The following AATF variants were observed in gnomAD, a reference collection of about 807,000 sequenced individuals.
The protein encoded by AATF is protein AATF.
A neutral mutation model predicts 63.7 loss-of-function variants in AATF; 48 were observed. That is an observed-to-expected ratio of 0.75 (90% CI 0.60 to 0.96). AATF has a LOEUF of 0.96. Among genes scored for constraint, AATF ranks in the 40% least tolerant of loss-of-function variants. AATF has a pLI of 0.00. For missense variants in AATF, 639 were observed against 685.7 expected (o/e 0.93, Z 0.76); for synonymous variants, 258 against 247.7 (o/e 1.04, Z -0.39).
chr17:36,967,446 C>CG (rs2070999681), intron 4 of AATF, among the ~76,000 whole-genome samples: 1 of 152,160 alleles, frequency 6.6e-6, no homozygotes, highest in African/African-American at 2.4e-5. Context: ...AGCTAAATCT[C>CG]TTCTCAAGTC....
intron 11 of AATF, chr17:37,054,468 T>C (rs2071780623): frequency 6.6e-6 from 1 of 152,132 alleles, no homozygotes; most frequent in South Asian, 2.1e-4. Flanking sequence ...CCTATTGATA[T>C]TCTCTCTCTC....
At chr17:36,997,509 C>G (rs8080229) in intron 8 of AATF, among the ~76,000 whole-genome samples, 4,999 of 152,154 alleles carry the variant, frequency 0.033, 275 homozygotes, top group African/African-American at 0.11. Flanking sequence ...AAATGCAAAT[C>G]GAAAGCACAA....
chr17:36,968,079 C>T (rs2071005962), intron 4 of AATF, among the ~76,000 whole-genome samples: 1 of 151,630 alleles, frequency 6.6e-6, no homozygotes, highest in African/African-American at 2.4e-5. Context: ...TCCTTTCTCT[C>T]TGTCCTCTCT....
intron 10 of AATF, among the ~76,000 whole-genome samples, chr17:37,030,258 A>G (rs2071542663): frequency 6.6e-6 from 1 of 152,142 alleles, no homozygotes; most frequent in Admixed American, 6.6e-5. Context: ...TTATTCTTGT[A>G]AAATTCATTT....
chr17:36,979,476 A>G (rs1047159899), intron 4 of AATF, among the ~76,000 whole-genome samples: 6 of 152,128 alleles, frequency 3.9e-5, no homozygotes, highest in Non-Finnish European at 5.9e-5. Context: ...TCAGGCCAAT[A>G]TATCGTGTGT....
intron 11 of AATF, among the ~76,000 whole-genome samples, chr17:37,044,045 G>A (rs1318081566): frequency 6.6e-5 from 10 of 152,086 alleles, no homozygotes; most frequent in Non-Finnish European, 7.4e-5. Flanking sequence ...TTGGGTAGAG[G>A]CTTCCTGTCT....
intron 8 of AATF, among the ~76,000 whole-genome samples, chr17:37,004,153 A>G (rs943742466): frequency 9.9e-5 from 15 of 151,878 alleles, no homozygotes; most frequent in African/African-American, 3.4e-4. Context: ...AACATGGTGA[A>G]ACCCCATCTC....
intron 10 of AATF, among the ~76,000 whole-genome samples, chr17:37,022,113 CGTGT>C (rs71159679): frequency 0.015 from 2,153 of 145,282 alleles, 29 homozygotes; most frequent in African/African-American, 0.019. Flanking sequence ...TGGTAACTGC[CGTGT>C]GTGTGTGTGT....
intron 10 of AATF, among the ~76,000 whole-genome samples, chr17:37,021,667 T>G (rs1403316787): frequency 1.2e-5 from 1 of 82,296 alleles, no homozygotes; most frequent in Non-Finnish European, 2.1e-5. Context: ...TAGCCGGGCG[T>G]AGTGGCGGGC....
intron 8 of AATF, among the ~76,000 whole-genome samples, chr17:37,015,059 G>A (rs1597726505): frequency 6.6e-6 from 1 of 152,110 alleles, no homozygotes; most frequent in South Asian, 2.1e-4. Flanking sequence ...GCTTCCTTGA[G>A]TCTCTTTTCT....
At chr17:37,035,079 G>A (rs537035473) in intron 11 of AATF, among the ~76,000 whole-genome samples, 5 of 150,618 alleles carry the variant, frequency 3.3e-5, no homozygotes, top group African/African-American at 7.3e-5. Context: ...AGCCGAGATC[G>A]TGCCACTGCA....
At chr17:37,003,416 G>T (rs2071316800) in intron 8 of AATF, among the ~76,000 whole-genome samples, 1 of 150,668 alleles carries the variant, frequency 6.6e-6, no homozygotes, top group African/African-American at 2.4e-5. Flanking sequence ...TGAGGGCTGA[G>T]AGAGAATTGA....
At chr17:37,013,263 A>G (rs868368085) in intron 8 of AATF, among the ~76,000 whole-genome samples, 1 of 152,240 alleles carries the variant, frequency 6.6e-6, no homozygotes, top group African/African-American at 2.4e-5. Flanking sequence ...CAAAGCTGCA[A>G]TGAGAATGTA....
chr17:37,025,136 C>T (rs966748512), intron 10 of AATF, among the ~76,000 whole-genome samples: 6 of 152,184 alleles, frequency 3.9e-5, no homozygotes, highest in Admixed American at 3.3e-4. Context: ...GAATGACTCC[C>T]AGAGTTTCAG....
chr17:36,972,819 A>G (rs2071049815), intron 4 of AATF, among the ~76,000 whole-genome samples: 2 of 152,092 alleles, frequency 1.3e-5, no homozygotes, highest in African/African-American at 4.8e-5. Flanking sequence ...TTAGGTTTAC[A>G]TTTTAGACAT....
chr17:36,956,673 C>CAA (rs35410946), intron 4 of AATF, among the ~76,000 whole-genome samples: 5 of 90,892 alleles, frequency 5.5e-5, no homozygotes, highest in African/African-American at 8.4e-5. Context: ...AACTCCGTCT[C>CAA]AAAAAAAAAA....
At chr17:36,980,150 G>A (rs1476465541) in intron 4 of AATF, 1 of 152,036 alleles carries the variant, frequency 6.6e-6, no homozygotes, top group Non-Finnish European at 1.5e-5. Context: ...TTTTATAAAC[G>A]AGAAAATTGA....
chr17:36,989,935 ATTTTTTTAT>A (rs1567975447), intron 7 of AATF, among the ~76,000 whole-genome samples: 1 of 151,956 alleles, frequency 6.6e-6, no homozygotes, highest in Non-Finnish European at 1.5e-5. Flanking sequence ...CTGAGGTGAA[ATTTTTTTAT>A]TTTTTTTGTC....
At chr17:36,956,957 CAA>C (rs1414227829) in intron 4 of AATF, among the ~76,000 whole-genome samples, 6 of 151,226 alleles carry the variant, frequency 4.0e-5, no homozygotes, top group African/African-American at 1.5e-4. Flanking sequence ...GCCTGAGCGA[CAA>C]GAGCGAAACT....
Sources: allele counts gnomAD v4.1 joint callset (sites outside exome capture counted in the v4.1 genomes callset), GRCh38; gene constraint gnomAD v4.1.1; transcripts MANE v1.5; gene names NCBI Gene and HGNC (gene_info 2026-07-23, HGNC 2026-07-21).